Variants in SMARCAD1 observed in about 807,000 individuals in gnomAD.
SMARCAD1 encodes the protein SWI/SNF-related matrix-associated actin-dependent regulator of chromatin subfamily A containing DEAD/H box 1.
A neutral mutation model predicts 127.1 loss-of-function variants in SMARCAD1; 25 were observed. The ratio of observed to expected loss-of-function variants is 0.20; its 90% CI spans 0.14 to 0.27. The LOEUF (loss-of-function observed/expected upper bound fraction) is 0.27. SMARCAD1 is among the 10% of genes least tolerant of loss of function. The probability of loss-of-function intolerance (pLI) is 1.00; values close to 1 mark genes in which losing one functional copy is unlikely to be tolerated. For synonymous variants in SMARCAD1, 400 were observed against 396.9 expected, an observed-to-expected ratio of 1.01 and a Z score of -0.09; for missense variants, 807 against 1,206.0, an observed-to-expected ratio of 0.67 and a Z score of 4.90.
chr4:94,285,689 G>A (rs372651872), intron 23 of SMARCAD1, among the ~76,000 whole-genome samples: 121 of 152,284 alleles, frequency 7.9e-4, no homozygotes, highest in African/African-American at 2.8e-3. Context: ...AAGTGCGTAT[G>A]ATCAAATAAT....
At chr4:94,211,482 C>G (rs1742248665) in intron 2 of SMARCAD1, among the ~76,000 whole-genome samples, 1 of 152,128 alleles carries the variant, frequency 6.6e-6, no homozygotes, top group African/African-American at 2.4e-5. Flanking sequence ...GACCTTACTT[C>G]TTTATCATGT....
At chr4:94,215,581 A>C (rs534733478) in intron 2 of SMARCAD1, among the ~76,000 whole-genome samples, 1 of 135,006 alleles carries the variant, frequency 7.4e-6, no homozygotes. Context: ...TGATCACTAC[A>C]CTACATTCCA....
chr4:94,287,507 C>T (rs1755111357), intron 23 of SMARCAD1, among the ~76,000 whole-genome samples: 2 of 152,162 alleles, frequency 1.3e-5, no homozygotes, highest in Non-Finnish European at 2.9e-5. Flanking sequence ...CTAGAGCTTG[C>T]CTTAGTTGTT....
intron 2 of SMARCAD1, among the ~76,000 whole-genome samples, chr4:94,212,104 A>G (rs1742363168): frequency 1.3e-5 from 2 of 152,222 alleles, no homozygotes; most frequent in Admixed American, 6.5e-5. Flanking sequence ...GGCCCTCAAT[A>G]AGTGCATTGA....
intron 19 of SMARCAD1, 45 bp from the exon 20 acceptor site, chr4:94,280,547 A>G: frequency 1.3e-6 from 2 of 1,509,520 alleles, no homozygotes; most frequent in Non-Finnish European, 1.8e-6. Context: ...TCATATTATT[A>G]ATTATTTTTA....
At chr4:94,216,229 A>G (rs1351637286) in intron 2 of SMARCAD1, among the ~76,000 whole-genome samples, 1 of 151,920 alleles carries the variant, frequency 6.6e-6, no homozygotes, top group African/African-American at 2.4e-5. Context: ...AGCAAATGTC[A>G]CCTCCTAATA....
chr4:94,226,071 C>A (rs748713054), intron 2 of SMARCAD1, 48 bp from the exon 3 acceptor site: 2 of 1,436,376 alleles, frequency 1.4e-6, no homozygotes, highest in Non-Finnish European at 1.9e-6. Context: ...ACAACAGATT[C>A]GTTTTCCAGT....
intron 10 of SMARCAD1, chr4:94,270,511 T>C: frequency 2.1e-6 from 1 of 475,186 alleles, no homozygotes; most frequent in Non-Finnish European, 3.8e-6. Context: ...GCTTGATTCT[T>C]ACTGCCAGAA....
rs1440913350 is a variant in SMARCAD1 at position 94,240,816 on chromosome 4, CATT to C, written c.605-87_605-85del. ...GATATCAAGAGAACTGTCTAGTATT[CATT>C]ATAATACATTTTTGCCTTTGTTTTA... On this transcript the variant is annotated intron_variant, in intron 5 of 23. Coordinates refer to ENST00000354268, the MANE Select transcript of SMARCAD1 (RefSeq NM_020159.5). The C allele has an allele frequency of 1.5e-4, 131 of 853,214 alleles. 3 individuals carry two copies. In the South Asian group the frequency reaches 1.8e-3, roughly 12 times the overall value. 52.9% of individuals were successfully genotyped at this position (853,214 alleles called of 1,614,324 possible). A position where few individuals can be genotyped will look rare whatever the true frequency, so the allele number is the denominator to read the frequency against.
chr4:94,286,958 G>A (rs1233042269), intron 23 of SMARCAD1, among the ~76,000 whole-genome samples: 1 of 151,980 alleles, frequency 6.6e-6, no homozygotes, highest in Non-Finnish European at 1.5e-5. Flanking sequence ...TCCGCCTCCC[G>A]GGTTCACACC....
intron 9 of SMARCAD1, among the ~76,000 whole-genome samples, chr4:94,264,313 ATAC>A (rs1424404706): frequency 5.3e-5 from 8 of 151,942 alleles, no homozygotes; most frequent in Non-Finnish European, 1.0e-4. Flanking sequence ...ACTACATTTG[ATAC>A]TATTACCTTT....
chr4:94,287,379 A>G (rs1755095595), intron 23 of SMARCAD1, among the ~76,000 whole-genome samples: 1 of 152,104 alleles, frequency 6.6e-6, no homozygotes, highest in South Asian at 2.1e-4. Flanking sequence ...AAAAATGTAT[A>G]TTTGTAATTG....
intron 9 of SMARCAD1, among the ~76,000 whole-genome samples, chr4:94,258,460 G>A (rs1473774985): frequency 6.6e-6 from 1 of 151,992 alleles, no homozygotes; most frequent in Non-Finnish European, 1.5e-5. Context: ...GACACCTCTG[G>A]TAATCTGTCA....
At chr4:94,219,755 T>C (rs1356764022) in intron 2 of SMARCAD1, among the ~76,000 whole-genome samples, 1 of 152,222 alleles carries the variant, frequency 6.6e-6, no homozygotes, top group Non-Finnish European at 1.5e-5. Flanking sequence ...CCTGTTCATT[T>C]AGCATTTTGT....
At chr4:94,241,713 T>C (rs945593538) in intron 6 of SMARCAD1, among the ~76,000 whole-genome samples, 6 of 152,170 alleles carry the variant, frequency 3.9e-5, no homozygotes, top group Non-Finnish European at 8.8e-5. Flanking sequence ...TCCCAAGGAA[T>C]GGTGCTATAA....
intron 7 of SMARCAD1, 69 bp from the exon 8 acceptor site, chr4:94,250,682 AG>A: frequency 1.0e-6 from 1 of 994,774 alleles, no homozygotes; most frequent in South Asian, 1.8e-5. Flanking sequence ...TATTTTTAAA[AG>A]AGCATAGACG....
At chr4:94,250,643 G>A (rs928189525) in intron 7 of SMARCAD1, 109 bp from the exon 8 acceptor site, 13 of 677,004 alleles carry the variant, frequency 1.9e-5, no homozygotes, top group Non-Finnish European at 3.2e-5. Context: ...ATAATCAGAT[G>A]TGAATTCTCT....
chr4:94,249,759 A>G lies in SMARCAD1; in HGVS notation c.807+4A>G. 6.6e-7 allele frequency: 1 copy of G among 1,513,886 alleles called. No homozygotes were observed. The highest frequency in any genetic ancestry group is 1.7e-5 in the Admixed American group (1 of 59,862). The allele number at this position is 1,513,886 out of a possible 1,614,324, so 93.8% of individuals were successfully genotyped here. A position where few individuals can be genotyped will look rare whatever the true frequency, so the allele number is the denominator to read the frequency against. ...ATTTCCCAATTTTGATAAACAGGTG[A>G]GTAGTCGTGTATGAAAATTTAATCA... On this transcript the variant is annotated splice_donor_region_variant and intron_variant, in intron 7 of 23. Transcript: ENST00000354268.
intron 3 of SMARCAD1, among the ~76,000 whole-genome samples, chr4:94,231,757 AT>A (rs1166857852): frequency 7.2e-5 from 11 of 152,022 alleles, no homozygotes; most frequent in African/African-American, 2.7e-4. Context: ...TCTAAATTAC[AT>A]TTGGCTATTA....
Sources: gnomAD v4.1 joint callset for allele counts (sites outside exome capture counted in the v4.1 genomes callset) on GRCh38, gnomAD v4.1.1 for gene constraint, MANE v1.5 for transcripts, NCBI Gene and HGNC (gene_info 2026-07-23, HGNC 2026-07-21) for gene names.